The following EEIG2 variants were observed in gnomAD, a reference collection of about 807,000 sequenced individuals.
EEIG2 encodes the protein EEIG family member 2.
the EEIG2 span, chr1:108,626,738 A>G: frequency 2.6e-5 from 4 of 152,182 alleles, no homozygotes; most frequent in South Asian, 2.1e-4. Context: ...TCATCTTTCT[A>G]GCCCCTTTTC....
At chr1:108,595,661 TG>T in the EEIG2 span, among the ~76,000 whole-genome samples, 1 of 126,356 alleles carries the variant, frequency 7.9e-6, no homozygotes, top group African/African-American at 3.1e-5. Flanking sequence ...AGCTTTTACA[TG>T]CTGGAAGGAG....
At chr1:108,602,229 A>G in the EEIG2 span, among the ~76,000 whole-genome samples, 11 of 152,312 alleles carry the variant, frequency 7.2e-5, no homozygotes, top group South Asian at 2.3e-3. Flanking sequence ...AAGCCCCTGT[A>G]CTAGTTTCCT....
chr1:108,621,371 A>C, the EEIG2 span, among the ~76,000 whole-genome samples: 1 of 152,302 alleles, frequency 6.6e-6, no homozygotes, highest in African/African-American at 2.4e-5. Context: ...TTGGATTCTA[A>C]ATTTGCTTTA....
chr1:108,623,166 T>C, the EEIG2 span, among the ~76,000 whole-genome samples: 8 of 152,030 alleles, frequency 5.3e-5, no homozygotes, highest in Admixed American at 4.6e-4. Flanking sequence ...CAATAATTTG[T>C]TGCACGTTTT....
chr1:108,635,233 T>C, the EEIG2 span: 2 of 1,553,990 alleles, frequency 1.3e-6, no homozygotes, highest in Non-Finnish European at 1.8e-6. Flanking sequence ...AAGCACTTAA[T>C]AGAAAATGAA....
the EEIG2 span, among the ~76,000 whole-genome samples, chr1:108,611,985 A>G: frequency 6.6e-6 from 1 of 152,208 alleles, no homozygotes; most frequent in Non-Finnish European, 1.5e-5. Context: ...AATAGAATAA[A>G]TAAATTCATA....
chr1:108,570,713 T>A, the EEIG2 span, among the ~76,000 whole-genome samples: 1 of 152,082 alleles, frequency 6.6e-6, no homozygotes, highest in Non-Finnish European at 1.5e-5. Flanking sequence ...TTGATTCAGA[T>A]TTGGAAGTTT....
At chr1:108,631,148 A>C in the EEIG2 span, 1 of 398,362 alleles carries the variant, frequency 2.5e-6, no homozygotes, top group Non-Finnish European at 5.0e-6. Context: ...TATTAAATTC[A>C]GTAACTGTTT....
At chr1:108,570,263 A>T in the EEIG2 span, among the ~76,000 whole-genome samples, 1 of 152,174 alleles carries the variant, frequency 6.6e-6, no homozygotes. Flanking sequence ...AGACACAGTG[A>T]CATGAAGCAG....
chr1:108,635,152 A>G, the EEIG2 span: 5 of 1,614,184 alleles, frequency 3.1e-6, no homozygotes, highest in Non-Finnish European at 4.2e-6. Flanking sequence ...AAACGCTAGA[A>G]GTCAAGTCGG....
chr1:108,597,938 G>T, the EEIG2 span, among the ~76,000 whole-genome samples: 1 of 152,294 alleles, frequency 6.6e-6, no homozygotes, highest in Non-Finnish European at 1.5e-5. Flanking sequence ...GAAGGGTCCA[G>T]GACATCAGTG....
At chr1:108,619,359 A>C in the EEIG2 span, among the ~76,000 whole-genome samples, 1 of 152,230 alleles carries the variant, frequency 6.6e-6, no homozygotes, top group Non-Finnish European at 1.5e-5. Context: ...AAATTGTTCA[A>C]ATGTCATTGA....
At chr1:108,616,664 G>A in the EEIG2 span, among the ~76,000 whole-genome samples, 28 of 152,048 alleles carry the variant, frequency 1.8e-4, 1 homozygote, top group South Asian at 4.0e-3. Context: ...CGGGTTTTGC[G>A]TAAAATTATA....
chr1:108,602,729 A>G, the EEIG2 span, among the ~76,000 whole-genome samples: 3 of 151,952 alleles, frequency 2.0e-5, no homozygotes, highest in Non-Finnish European at 4.4e-5. Flanking sequence ...AAAATACAAA[A>G]ATTAGCCAGG....
chr1:108,579,320 A>G, the EEIG2 span, among the ~76,000 whole-genome samples: 6 of 80,416 alleles, frequency 7.5e-5, no homozygotes, highest in Non-Finnish European at 1.1e-4. Context: ...CTTTAAACCA[A>G]CAAAGATCAA....
At chr1:108,587,314 C>T in the EEIG2 span, among the ~76,000 whole-genome samples, 1 of 152,068 alleles carries the variant, frequency 6.6e-6, no homozygotes, top group Non-Finnish European at 1.5e-5. Flanking sequence ...ACAGAAATGC[C>T]TCCTATACCT....
the EEIG2 span, among the ~76,000 whole-genome samples, chr1:108,593,413 A>C: frequency 3.3e-5 from 5 of 152,226 alleles, no homozygotes; most frequent in Admixed American, 6.5e-5. Context: ...TCCAAAAGTT[A>C]TACCCAATAA....
chr1:108,610,202 G>A, the EEIG2 span, among the ~76,000 whole-genome samples: 4 of 152,326 alleles, frequency 2.6e-5, no homozygotes, highest in South Asian at 4.1e-4. Flanking sequence ...CAGCATGTTT[G>A]TGTGCTTTTG....
chr1:108,581,569 C>T, the EEIG2 span, among the ~76,000 whole-genome samples: 1 of 152,104 alleles, frequency 6.6e-6, no homozygotes, highest in Non-Finnish European at 1.5e-5. Flanking sequence ...AAGTTGATTT[C>T]GGTCCTCATG....
Sources: gnomAD v4.1 joint callset for allele counts (sites outside exome capture counted in the v4.1 genomes callset) on GRCh38, gnomAD v4.1.1 for gene constraint, MANE v1.5 for transcripts, NCBI Gene and HGNC (gene_info 2026-07-23, HGNC 2026-07-21) for gene names.